Variants in AMELX observed in about 807,000 individuals in gnomAD.
The protein encoded by AMELX is amelogenin, X isoform.
AMELX carries 9 observed loss-of-function variants against 15.8 expected under a neutral mutation model. The observed-to-expected ratio is 0.57, with a 90% CI of 0.34 to 0.99. The LOEUF (loss-of-function observed/expected upper bound fraction) is 0.99, where lower values mean the gene tolerates loss of function less well. Among genes scored for constraint, AMELX ranks in the 50% least tolerant of loss-of-function variants. The pLI is 0.02. For missense variants in AMELX, 107 were observed against 156.2 expected, an observed-to-expected ratio of 0.68 and a Z score of 1.68; for synonymous variants, 61 against 58.8, an observed-to-expected ratio of 1.04 and a Z score of -0.17.
intron 3 of AMELX, among the ~76,000 whole-genome samples, chrX:11,297,333 G>A (rs1213134848): frequency 8.9e-6 from 1 of 111,798 alleles, no homozygotes; most frequent in Non-Finnish European, 1.9e-5. Context: ...CGGGTTTGAG[G>A]TTCTCCTCAA....
At chrX:11,300,574 T>C (rs369891804) in intron 5 of AMELX, 33 bp from the exon 6 acceptor site, 8 of 1,147,887 alleles carry the variant, frequency 7.0e-6, no homozygotes, top group Non-Finnish European at 9.5e-6. Flanking sequence ...CATTTGTAAA[T>C]TATTTTAACT....
intron 3 of AMELX, 48 bp from the exon 4 acceptor site, chrX:11,298,188 A>G: frequency 8.3e-7 from 1 of 1,208,504 alleles, no homozygotes; most frequent in South Asian, 1.8e-5. Flanking sequence ...TCTATATTGG[A>G]TGAAAGTAAA....
rs1404225250 is a variant in AMELX at position 11,296,798 on chromosome X, AC to A, written c.77del (p.Pro26LeufsTer14). 1 of 1,210,542 alleles carries A rather than the reference AC, an allele frequency of 8.3e-7. No individual in the cohort carries two copies. Among genetic ancestry groups the A allele is most frequent in the East Asian group, 3.0e-5 (1 of 33,823 alleles). On this transcript the variant is annotated frameshift_variant, in exon 3 of 6. Coordinates refer to ENST00000380714, the MANE Select transcript of AMELX (RefSeq NM_001142.2). LOFTEE classifies it high-confidence loss of function. ...TAAAAGCTACCACCTCATCCTGGGCACCCTGGTTATATCAACTTCAGCTATG... is the reference window on the plus strand; with the variant it reads ...TAAAAGCTACCACCTCATCCTGGGCACCTGGTTATATCAACTTCAGCTATG... ...FAMPLPPHPG[H>X]PGYINFSYEV...
intron 5 of AMELX, 38 bp from the exon 6 acceptor site, chrX:11,300,569 G>C (rs746272574): frequency 8.8e-7 from 1 of 1,133,262 alleles, no homozygotes; most frequent in Non-Finnish European, 1.2e-6. Context: ...AGGAACATTT[G>C]TAAATTATTT....
downstream of AMELX, among the ~76,000 whole-genome samples, chrX:11,304,310 G>C (rs1167732304): frequency 9.1e-6 from 1 of 110,303 alleles, no homozygotes; most frequent in Non-Finnish European, 1.9e-5. Flanking sequence ...GGCTGGTCTT[G>C]AACTCCTGAC....
At chrX:11,309,436 C>T in the AMELX span, among the ~76,000 whole-genome samples, 1 of 110,619 alleles carries the variant, frequency 9.0e-6, no homozygotes, top group Non-Finnish European at 1.9e-5. Flanking sequence ...TAGAGGATCT[C>T]GGAGGGAGAG....
downstream of AMELX, among the ~76,000 whole-genome samples, chrX:11,305,294 T>A (rs1603049591): frequency 8.9e-6 from 1 of 111,861 alleles, no homozygotes; most frequent in African/African-American, 3.3e-5. Context: ...ATCAAAACTA[T>A]CCTGTTAAAA....
Position 11,300,712 on chromosome X carries a change from C to G in AMELX, c.*100C>G. On this transcript the variant is annotated 3_prime_UTR_variant, in exon 6 of 6. Coordinates refer to ENST00000380714, the MANE Select transcript of AMELX (RefSeq NM_001142.2). ...TTATAATCACTTTACTTAGCAAATT[C>G]TGTAACTAAAAAAGTACCATTAGCA... The G allele has an allele frequency of 1.2e-6, 1 of 825,392 alleles. No individual in the cohort carries two copies. Among genetic ancestry groups the G allele is most frequent in the African/African-American group, 2.0e-5 (1 of 49,729 alleles). 68.0% of individuals were successfully genotyped at this position (825,392 alleles called of 1,213,427 possible). A position where few individuals can be genotyped will look rare whatever the true frequency, so the allele number is the denominator to read the frequency against.
At chrX:11,295,999 C>T (rs1481356787) in intron 2 of AMELX, among the ~76,000 whole-genome samples, 2 of 112,069 alleles carry the variant, frequency 1.8e-5, no homozygotes, top group African/African-American at 6.5e-5. Flanking sequence ...AGTCCTGATT[C>T]AGATCATCAT....
chrX:11,294,993 G>T, intron 2 of AMELX, 151 bp downstream of exon 2: 1 of 667,586 alleles, frequency 1.5e-6, no homozygotes, highest in East Asian at 3.3e-5. Flanking sequence ...TCAGGAGCTT[G>T]TTTTAAAAAG....
intron 5 of AMELX, among the ~76,000 whole-genome samples, chrX:11,299,496 C>T (rs188870538): frequency 7.2e-5 from 8 of 111,864 alleles, no homozygotes; most frequent in African/African-American, 9.7e-5. Flanking sequence ...AACTTGGAGG[C>T]GGCTAAACTA....
chrX:11,306,571 C>T, the AMELX span, among the ~76,000 whole-genome samples: 1 of 112,573 alleles, frequency 8.9e-6, no homozygotes, highest in Non-Finnish European at 1.9e-5. Flanking sequence ...GTCTCTATCA[C>T]CAATTTACAA....
downstream of AMELX, among the ~76,000 whole-genome samples, chrX:11,303,585 C>A (rs768503438): frequency 1.8e-5 from 2 of 112,273 alleles, no homozygotes; most frequent in South Asian, 7.4e-4. Context: ...ATTCACTTTA[C>A]TATTAATTTT....
intron 3 of AMELX, among the ~76,000 whole-genome samples, chrX:11,297,601 C>A (rs1169795302): frequency 1.8e-5 from 2 of 111,629 alleles, no homozygotes; most frequent in Admixed American, 9.5e-5. Flanking sequence ...ATATACTGTT[C>A]AGAAAGGAAT....
the AMELX span, among the ~76,000 whole-genome samples, chrX:11,309,065 A>C: frequency 1.8e-5 from 2 of 111,760 alleles, no homozygotes; most frequent in African/African-American, 3.3e-5. Flanking sequence ...CACATTGAGC[A>C]AATCCCTCCA....
At chrX:11,301,212 G>A (rs1403940349), downstream of AMELX, among the ~76,000 whole-genome samples, 1 of 111,632 alleles carries the variant, frequency 9.0e-6, no homozygotes, top group Non-Finnish European at 1.9e-5. Context: ...GAAATTATGT[G>A]ATATGCATAA....
intron 3 of AMELX, among the ~76,000 whole-genome samples, chrX:11,297,325 G>A (rs1265860): frequency 8.5e-4 from 95 of 111,744 alleles, no homozygotes; most frequent in Admixed American, 5.6e-3. Flanking sequence ...TTGGACGTCG[G>A]GTTTGAGGTT....
At chrX:11,296,875 C>T in intron 3 of AMELX, 49 bp downstream of exon 3, 1 of 1,161,417 alleles carries the variant, frequency 8.6e-7, no homozygotes, top group African/African-American at 1.8e-5. Context: ...TTAACAATGC[C>T]CTGGGCTCTG....
intron 3 of AMELX, 29 bp downstream of exon 3, chrX:11,296,855 A>T (rs753003209): frequency 8.4e-7 from 1 of 1,195,636 alleles, no homozygotes; most frequent in Non-Finnish European, 1.1e-6. Flanking sequence ...AATTTTGACC[A>T]TTGTTTGCGT....
Sources: allele counts gnomAD v4.1 joint callset (sites outside exome capture counted in the v4.1 genomes callset), GRCh38; gene constraint gnomAD v4.1.1; transcripts MANE v1.5; gene names NCBI Gene and HGNC (gene_info 2026-07-23, HGNC 2026-07-21).